ZBTB16: variants seen among roughly 807,000 people sequenced by gnomAD.
The protein encoded by ZBTB16 is zinc finger and BTB domain-containing protein 16.
ZBTB16 carries 8 observed loss-of-function variants against 56.8 expected under a neutral mutation model. That is an observed-to-expected ratio of 0.14 (90% CI 0.08 to 0.25). The LOEUF is 0.25. ZBTB16 is among the 10% of genes least tolerant of loss of function. The pLI, the probability that ZBTB16 is intolerant of heterozygous loss-of-function variation, is 1.00. For missense variants in ZBTB16, 625 were observed against 903.0 expected (o/e 0.69, Z 3.95); for synonymous variants, 363 against 368.5 (o/e 0.98, Z 0.17).
chr11:114,144,219 C>T (rs1430009220), intron 2 of ZBTB16, among the ~76,000 whole-genome samples: 1 of 151,974 alleles, frequency 6.6e-6, no homozygotes, highest in Non-Finnish European at 1.5e-5. Flanking sequence ...CACACTCCCA[C>T]GCACACTGGG....
rs144196135 is a variant in ZBTB16 at position 114,088,718 on chromosome 11, T to C, written c.1268+24150T>C. On this transcript the variant is annotated intron_variant, in intron 2 of 6. Transcript: ENST00000335953. ...GGGTTAACTACCCAGGCAGTACTGG[T>C]GGGGAAGGGCCCCAGAAGCAGGCCC... Among the ~76,000 whole-genome samples the C allele has an allele frequency of 5.7e-3, 873 of 152,354 alleles. 1 individual carries two copies. Among genetic ancestry groups the C allele is most frequent in the Non-Finnish European group, 8.6e-3 (584 of 68,032 alleles).
intron 3 of ZBTB16, among the ~76,000 whole-genome samples, chr11:114,167,746 G>T (rs1942829979): frequency 6.6e-6 from 1 of 152,054 alleles, no homozygotes; most frequent in Non-Finnish European, 1.5e-5. Context: ...ACAGCTAAAT[G>T]ATTTTTTAAA....
chr11:114,178,701 A>G (rs1033176576), intron 3 of ZBTB16, among the ~76,000 whole-genome samples: 1 of 152,210 alleles, frequency 6.6e-6, no homozygotes, highest in Non-Finnish European at 1.5e-5. Context: ...GAGGGACTGC[A>G]GGATCCCAGT....
At chr11:114,218,386 G>A (rs1944156786) in intron 4 of ZBTB16, among the ~76,000 whole-genome samples, 1 of 152,138 alleles carries the variant, frequency 6.6e-6, no homozygotes, top group Non-Finnish European at 1.5e-5. Flanking sequence ...GCCCCACTGG[G>A]GCTTTACATT....
At chr11:114,248,643 C>CGTTGCCCTTGGAGGGGAAGGGTGGACA (rs1944859751) in intron 6 of ZBTB16, among the ~76,000 whole-genome samples, 1 of 152,120 alleles carries the variant, frequency 6.6e-6, no homozygotes, top group Non-Finnish European at 1.5e-5. Context: ...GAGGAGAGTA[C>CGTTGCCCTTGGAGGGGAAGGGTGGACA]GTTGCCCTTG....
chr11:114,118,950 C>T (rs1235547525), intron 2 of ZBTB16, among the ~76,000 whole-genome samples: 1 of 152,056 alleles, frequency 6.6e-6, no homozygotes, highest in Non-Finnish European at 1.5e-5. Context: ...GTTGACATTT[C>T]AGGTTGACTT....
At chr11:114,079,556 C>G (rs951309193) in intron 2 of ZBTB16, among the ~76,000 whole-genome samples, 1 of 152,246 alleles carries the variant, frequency 6.6e-6, no homozygotes, top group South Asian at 2.1e-4. Flanking sequence ...GATGCTGCCA[C>G]AGCCCCACAG....
chr11:114,130,596 C>T (rs1941634426), intron 2 of ZBTB16, among the ~76,000 whole-genome samples: 1 of 152,226 alleles, frequency 6.6e-6, no homozygotes, highest in African/African-American at 2.4e-5. Flanking sequence ...GCAGCAGTCC[C>T]TAGGCTTGCA....
At chr11:114,231,975 T>C (rs749885783) in intron 4 of ZBTB16, among the ~76,000 whole-genome samples, 4 of 152,194 alleles carry the variant, frequency 2.6e-5, no homozygotes, top group Non-Finnish European at 5.9e-5. Flanking sequence ...AGTTAGTCAC[T>C]GAGCCAGGAC....
chr11:114,212,058 T>C (rs1944008828), intron 4 of ZBTB16, among the ~76,000 whole-genome samples: 1 of 152,104 alleles, frequency 6.6e-6, no homozygotes, highest in Admixed American at 6.5e-5. Context: ...ATCTCATGTG[T>C]CTTGCCGCCA....
intron 2 of ZBTB16, among the ~76,000 whole-genome samples, chr11:114,094,236 AC>A (rs1228868391): frequency 6.3e-5 from 6 of 95,902 alleles, no homozygotes; most frequent in Non-Finnish European, 6.5e-5. Flanking sequence ...GATGGCGTGA[AC>A]CCGGGAGGCA....
rs1456561900 is a variant in ZBTB16 at position 114,250,771 on chromosome 11, C to T, written c.*216C>T. On this transcript the variant is annotated 3_prime_UTR_variant, in exon 7 of 7. Coordinates refer to ENST00000335953, the MANE Select transcript of ZBTB16 (RefSeq NM_006006.6). This position sits in a 1 kb window ranked among gnomAD's most constrained non-coding sequence, Gnocchi z 6.0. ...CTCTGGGGGCCTCCACCCTCCTCTC[C>T]CGGCTGGAGGTTTGCCTGATTTTCT... 1 of 598,926 alleles carries T rather than the reference C, an allele frequency of 1.7e-6. No individual in the cohort carries two copies. Among genetic ancestry groups the T allele is most frequent in the Non-Finnish European group, 2.9e-6 (1 of 340,568 alleles). The allele number at this position is 598,926 out of a possible 1,614,324, so 37.1% of individuals were successfully genotyped here.
chr11:114,115,341 CTTTTTTTTTTT>C (rs35873921), intron 2 of ZBTB16, among the ~76,000 whole-genome samples: 2 of 127,542 alleles, frequency 1.6e-5, no homozygotes, highest in Non-Finnish European at 3.2e-5. Context: ...CTCCTTCCTC[CTTTTTTTTTTT>C]TTTTTTTTTT....
At chr11:114,217,193 C>G (rs1253781993) in intron 4 of ZBTB16, among the ~76,000 whole-genome samples, 1 of 152,190 alleles carries the variant, frequency 6.6e-6, no homozygotes, top group Admixed American at 6.5e-5. Context: ...GCCCAGGCCA[C>G]AGAAACTTGT....
chr11:114,139,128 A>G (rs1941878191), intron 2 of ZBTB16, among the ~76,000 whole-genome samples: 1 of 152,224 alleles, frequency 6.6e-6, no homozygotes, highest in Non-Finnish European at 1.5e-5. Flanking sequence ...GGATTTGTAC[A>G]ATGCAAGTCT....
At chr11:114,083,593 G>A (rs1939856161) in intron 2 of ZBTB16, among the ~76,000 whole-genome samples, 1 of 152,120 alleles carries the variant, frequency 6.6e-6, no homozygotes, top group Admixed American at 6.5e-5. Flanking sequence ...GCCCTCTTAG[G>A]GTGATAGAAT....
chr11:114,159,674 G>T (rs575654), intron 3 of ZBTB16, among the ~76,000 whole-genome samples: 59,252 of 151,926 alleles, frequency 0.39, 12,390 homozygotes, highest in Middle Eastern at 0.56. Context: ...GGCTGGTGGC[G>T]CTGGGTCTTC....
rs1333228970 is a variant in ZBTB16 at position 114,064,050 on chromosome 11, G to A, written c.750G>A (p.Glu250=). 6.2e-7 allele frequency: 1 copy of A among 1,613,412 alleles called. No individual in the cohort carries two copies. Among genetic ancestry groups the A allele is most frequent in the East Asian group, 2.2e-5 (1 of 44,854 alleles). The change falls in exon 2 of 7, where the codon GAG becomes GAA. Residue 250 remains glutamate, a synonymous_variant. Coordinates refer to ENST00000335953, the MANE Select transcript of ZBTB16 (RefSeq NM_006006.6). This position sits in a 1 kb window ranked among gnomAD's most constrained non-coding sequence, Gnocchi z 4.2. ...AGACGGAGATGATGCAGGTGGATGAGGTGCCCAGCCAGGACAGCCCTGGGG... is the reference window on the plus strand; with the variant it reads ...AGACGGAGATGATGCAGGTGGATGAAGTGCCCAGCCAGGACAGCCCTGGGG... ...EVKTEMMQVD[E]VPSQDSPGAA...
rs1354734973 is a variant in ZBTB16, at chr11:114,252,364, C to G, written c.*1809C>G. Among the ~76,000 whole-genome samples the G allele has an allele frequency of 1.5e-5, 2 of 135,542 alleles. No individual in the cohort carries two copies. The highest frequency in any genetic ancestry group is 2.9e-5 in the African/African-American group (1 of 34,724). 88.9% of individuals were successfully genotyped at this position (135,542 alleles called of 152,430 possible). A position where few individuals can be genotyped will look rare whatever the true frequency, so the allele number is the denominator to read the frequency against. ...CTCATTGCCAGAATTGGTCTATTTT[C>G]ACGGCTGGTCTTTGGGGAGGGGGGC... On this transcript the variant is annotated 3_prime_UTR_variant, in exon 7 of 7. Coordinates refer to ENST00000335953, the MANE Select transcript of ZBTB16 (RefSeq NM_006006.6).
Sources: gnomAD v4.1 joint callset for allele counts (sites outside exome capture counted in the v4.1 genomes callset) on GRCh38, gnomAD v4.1.1 for gene constraint, Gnocchi (gnomAD v3.1) non-coding constraint, MANE v1.5 for transcripts, NCBI Gene and HGNC (gene_info 2026-07-23, HGNC 2026-07-21) for gene names.